ARPC2: variants seen among roughly 807,000 people sequenced by gnomAD.
ARPC2 encodes actin-related protein 2/3 complex subunit 2.
ARPC2 carries 4 observed loss-of-function variants against 38.6 expected under a neutral mutation model. The ratio of observed to expected loss-of-function variants is 0.10; its 90% CI spans 0.05 to 0.24. The LOEUF is 0.24. Ranked by LOEUF, ARPC2 falls within the 10% of genes least tolerant of loss-of-function variation. ARPC2 has a pLI of 1.00. For missense variants in ARPC2, 229 were observed against 387.3 expected (o/e 0.59, Z 3.43); for synonymous variants, 125 against 140.8 (o/e 0.89, Z 0.79).
chr2:218,220,604 A>G (rs914180751), intron 2 of ARPC2, among the ~76,000 whole-genome samples: 1 of 151,882 alleles, frequency 6.6e-6, no homozygotes, highest in Non-Finnish European at 1.5e-5. Flanking sequence ...TTCCATTTGA[A>G]GTTGATTTTT....
chr2:218,238,906 C>G (rs1689842950), intron 6 of ARPC2, 56 bp downstream of exon 6: 10 of 1,349,236 alleles, frequency 7.4e-6, no homozygotes, highest in Non-Finnish European at 8.2e-6. Context: ...CACCATGGCA[C>G]TTACTGAAAG....
intron 4 of ARPC2, 50 bp from the exon 5 acceptor site, chr2:218,234,302 C>A: frequency 1.4e-6 from 2 of 1,403,032 alleles, no homozygotes; most frequent in South Asian, 1.2e-5. Context: ...ATGAAATTAT[C>A]ATGGCCTTTG....
At chr2:218,227,030 TACA>T (rs775290993) in intron 3 of ARPC2, 32 of 456,512 alleles carry the variant, frequency 7.0e-5, no homozygotes, top group South Asian at 3.1e-4. Flanking sequence ...CCACCCTTTC[TACA>T]ACAAGAGTCC....
intron 4 of ARPC2, among the ~76,000 whole-genome samples, chr2:218,229,691 A>C (rs1435854145): frequency 1.3e-5 from 2 of 152,194 alleles, no homozygotes; most frequent in African/African-American, 2.4e-5. Context: ...AAGCTTGTTT[A>C]ATTTTTTAGC....
chr2:218,252,782 G>A (rs1399878462), intron 10 of ARPC2, among the ~76,000 whole-genome samples: 2 of 152,198 alleles, frequency 1.3e-5, no homozygotes, highest in South Asian at 2.1e-4. Context: ...GCAGGCAGTC[G>A]TGGGAGTCCC....
intron 5 of ARPC2, 64 bp downstream of exon 5, chr2:218,234,461 C>CT: frequency 7.2e-6 from 9 of 1,247,918 alleles, no homozygotes; most frequent in South Asian, 1.3e-5. Context: ...TTATATTATG[C>CT]TTTTTTTACC....
chr2:218,248,032 A>G (rs1690089501), intron 8 of ARPC2, among the ~76,000 whole-genome samples: 1 of 151,190 alleles, frequency 6.6e-6, no homozygotes, highest in Non-Finnish European at 1.5e-5. Context: ...CACTCACTTC[A>G]GCCTCCCAAA....
chr2:218,217,850 C>G (rs1689291478), intron 2 of ARPC2, among the ~76,000 whole-genome samples: 1 of 152,206 alleles, frequency 6.6e-6, no homozygotes, highest in African/African-American at 2.4e-5. Context: ...GGAGTAGCCC[C>G]CTGCCCTCTG....
chr2:218,229,000 T>C (rs1276464711), intron 4 of ARPC2, 150 bp downstream of exon 4: 1 of 529,844 alleles, frequency 1.9e-6, no homozygotes, highest in African/African-American at 1.9e-5. Context: ...CTATAATGAA[T>C]TGTGTTTCCT....
intron 2 of ARPC2, among the ~76,000 whole-genome samples, chr2:218,223,621 C>A (rs1015941621): frequency 1.3e-5 from 2 of 152,188 alleles, no homozygotes; most frequent in Admixed American, 1.3e-4. Context: ...TTCACACCAA[C>A]CTGGGAGGTA....
intron 9 of ARPC2, 98 bp from the exon 10 acceptor site, chr2:218,249,723 T>G (rs1015746035): frequency 4.1e-6 from 5 of 1,210,708 alleles, no homozygotes; most frequent in Non-Finnish European, 5.8e-6. Flanking sequence ...CCAGGGTGTA[T>G]GTTCCCAACC....
chr2:218,242,073 T>C (rs1574589853), intron 7 of ARPC2, among the ~76,000 whole-genome samples: 1 of 152,214 alleles, frequency 6.6e-6, no homozygotes, highest in East Asian at 1.9e-4. Flanking sequence ...TGCCAGCCTT[T>C]GTGGCCTTTC....
At chr2:218,247,962 AAAAAG>A (rs1374983322) in intron 8 of ARPC2, among the ~76,000 whole-genome samples, 9 of 151,738 alleles carry the variant, frequency 5.9e-5, no homozygotes, top group South Asian at 2.1e-4. Flanking sequence ...TAAAAAAAAA[AAAAAG>A]AAACAGGGTT....
At chr2:218,239,111 A>C (rs1689848351) in intron 6 of ARPC2, 1 of 564,208 alleles carries the variant, frequency 1.8e-6, no homozygotes, top group African/African-American at 1.9e-5. Context: ...CATGTTTAAG[A>C]GTATAGCCTG....
intron 6 of ARPC2, chr2:218,239,082 AG>A: frequency 1.8e-6 from 1 of 564,930 alleles, no homozygotes; most frequent in Non-Finnish European, 3.1e-6. Flanking sequence ...CTTTCCTTTA[AG>A]GCACCACTGT....
At chr2:218,218,420 CCT>C (rs1302224784) in intron 2 of ARPC2, among the ~76,000 whole-genome samples, 1 of 152,272 alleles carries the variant, frequency 6.6e-6, no homozygotes, top group Non-Finnish European at 1.5e-5. Context: ...TCCAAGGCAG[CCT>C]CTCTGCCAAA....
chr2:218,242,899 C>T (rs1689947314), intron 7 of ARPC2, among the ~76,000 whole-genome samples: 1 of 152,104 alleles, frequency 6.6e-6, no homozygotes, highest in Non-Finnish European at 1.5e-5. Context: ...AATATTTTCT[C>T]CAGTTTGTCA....
intron 6 of ARPC2, chr2:218,239,143 C>T (rs998088795): frequency 4.2e-5 from 24 of 574,102 alleles, no homozygotes; most frequent in Non-Finnish European, 3.7e-5. Context: ...GGCAGGGTGA[C>T]CATAGGTCCA....
chr2:218,223,170 G>GA (rs1689422886), intron 2 of ARPC2, among the ~76,000 whole-genome samples: 1 of 152,166 alleles, frequency 6.6e-6, no homozygotes, highest in African/African-American at 2.4e-5. Flanking sequence ...ATATTAAATG[G>GA]AAAATCCCAG....
Sources: gnomAD v4.1 joint callset for allele counts (sites outside exome capture counted in the v4.1 genomes callset) on GRCh38, gnomAD v4.1.1 for gene constraint, MANE v1.5 for transcripts, NCBI Gene and HGNC (gene_info 2026-07-23, HGNC 2026-07-21) for gene names.